KSR2: variants seen among roughly 807,000 people sequenced by gnomAD.
The protein encoded by KSR2 is kinase suppressor of ras 2.
Under a neutral mutation model 107.8 loss-of-function variants are expected in KSR2, and 25 were observed. The ratio of observed to expected loss-of-function variants is 0.23; its 90% CI spans 0.17 to 0.32. KSR2 has a LOEUF of 0.32. Ranked by LOEUF, KSR2 falls within the 10% of genes least tolerant of loss-of-function variation. KSR2 has a pLI of 1.00. For missense variants in KSR2, 887 were observed against 1,268.9 expected (o/e 0.70, Z 4.57); for synonymous variants, 480 against 507.0 (o/e 0.95, Z 0.71).
chr12:117,944,676 C>A, intron 1 of KSR2, among the ~76,000 whole-genome samples: 1 of 151,510 alleles, frequency 6.6e-6, no homozygotes. Context: ...GGCAACAAAG[C>A]AAGACCCCCA....
intron 4 of KSR2, among the ~76,000 whole-genome samples, chr12:117,752,670 G>A (rs544092179): frequency 2.6e-5 from 4 of 152,184 alleles, no homozygotes; most frequent in Admixed American, 2.0e-4. Flanking sequence ...AATTACTTCT[G>A]TAATTGCAAT....
chr12:117,821,558 TGGTA>T (rs1891566402), intron 3 of KSR2, among the ~76,000 whole-genome samples: 2 of 152,348 alleles, frequency 1.3e-5, no homozygotes, highest in South Asian at 4.1e-4. Flanking sequence ...TTCCAGTCAA[TGGTA>T]GGCCATTAGT....
At chr12:117,570,328 A>AG (rs903252969) in intron 7 of KSR2, among the ~76,000 whole-genome samples, 9 of 152,066 alleles carry the variant, frequency 5.9e-5, no homozygotes, top group Non-Finnish European at 1.0e-4. Context: ...GGGAGTGAGG[A>AG]GGGGGTGCTA....
At chr12:117,683,746 C>A (rs1457573620) in intron 4 of KSR2, among the ~76,000 whole-genome samples, 2 of 152,088 alleles carry the variant, frequency 1.3e-5, no homozygotes, top group Non-Finnish European at 2.9e-5. Context: ...AGGTCTAGGG[C>A]AAGAGAGGAA....
chr12:117,457,987 A>T lies in KSR2; in HGVS notation c.*9212T>A, dbSNP rs972956436. The T allele has an allele frequency of 6.6e-6, 1 of 152,132 alleles. No individual in the cohort carries two copies. The highest frequency in any genetic ancestry group is 6.6e-5 in the Admixed American group (1 of 15,260). 9.4% of individuals were successfully genotyped at this position (152,132 alleles called of 1,614,324 possible). On this transcript the variant is annotated 3_prime_UTR_variant, in exon 20 of 20. Transcript: ENST00000339824. ...GTGAGTTTTCTTTCCATAGATCTAC[A>T]TGAGTTGCAAATTTATATATTTGTG...
intron 9 of KSR2, among the ~76,000 whole-genome samples, chr12:117,542,948 C>T (rs893684599): frequency 6.6e-6 from 1 of 152,062 alleles, no homozygotes; most frequent in Non-Finnish European, 1.5e-5. Flanking sequence ...TTTTGATTGC[C>T]GAGTTTCTTC....
chr12:117,602,226 T>C (rs1157140848), intron 5 of KSR2, among the ~76,000 whole-genome samples: 2 of 152,226 alleles, frequency 1.3e-5, no homozygotes, highest in East Asian at 1.9e-4. Flanking sequence ...TTGCTTTCAA[T>C]TGAAGCAAAA....
rs536640045 is a variant in KSR2, at chr12:117,632,056, A to G, written c.1171+35418T>C. Among the ~76,000 whole-genome samples, 4 of 152,286 alleles carry G rather than the reference A, an allele frequency of 2.6e-5. 1 individual carries two copies. The highest frequency in any genetic ancestry group is 9.6e-5 in the African/African-American group (4 of 41,568). ...TATTTTTTCATAGCTGTCCAGGAAC[A>G]TTTAATTTTGGCTAGAATTATTAAT... On this transcript the variant is annotated intron_variant, in intron 5 of 19. Coordinates refer to ENST00000339824, the MANE Select transcript of KSR2 (RefSeq NM_173598.6).
intron 3 of KSR2, among the ~76,000 whole-genome samples, chr12:117,841,974 C>T (rs1892501527): frequency 2.0e-5 from 3 of 152,368 alleles, no homozygotes; most frequent in South Asian, 2.1e-4. Flanking sequence ...TCAGTCACTC[C>T]GTGACTACTT....
chr12:117,656,993 T>TATATAATAGG (rs1555225291), intron 5 of KSR2, among the ~76,000 whole-genome samples: 9 of 115,098 alleles, frequency 7.8e-5, no homozygotes, highest in African/African-American at 3.3e-4. Flanking sequence ...TATATATATA[T>TATATAATAGG]ATATATATAT....
At chr12:117,867,864 G>A (rs955384127) in intron 1 of KSR2, among the ~76,000 whole-genome samples, 21 of 152,252 alleles carry the variant, frequency 1.4e-4, no homozygotes, top group East Asian at 3.9e-4. Flanking sequence ...ATGGGGACCC[G>A]TAGCTAACTG....
intron 4 of KSR2, among the ~76,000 whole-genome samples, chr12:117,708,715 T>C (rs542712308): frequency 1.9e-4 from 29 of 152,306 alleles, no homozygotes; most frequent in African/African-American, 7.0e-4. Context: ...ATTGTTTCAA[T>C]GTGCAACAGT....
rs538111580 is a variant in KSR2 at position 117,465,125 on chromosome 12, T to G, written c.*2074A>C. 7.2e-4 allele frequency: 109 copies of G among 151,426 alleles called. No individual in the cohort carries two copies. The highest frequency in any genetic ancestry group is 2.6e-3 in the African/African-American group (107 of 41,140). The allele number at this position is 151,426 out of a possible 1,614,324, so 9.4% of individuals were successfully genotyped here. A position where few individuals can be genotyped will look rare whatever the true frequency, so the allele number is the denominator to read the frequency against. On this transcript the variant is annotated 3_prime_UTR_variant, in exon 20 of 20. Transcript: ENST00000339824. ...CCTGGTGTGATGGAAGAGAAGTGAG[T>G]GGTTGGGTTTCAGGCACTCAGTAGG...
In KSR2 at chr12:117,968,895, G is replaced by T; in HGVS notation, c.-640C>A. 1 of 248,236 alleles carries T rather than the reference G, an allele frequency of 4.0e-6. No individual in the cohort carries two copies. The allele number at this position is 248,236 out of a possible 1,614,324, so 15.4% of individuals were successfully genotyped here. A position where few individuals can be genotyped will look rare whatever the true frequency, so the allele number is the denominator to read the frequency against. ...CTGGCTGCTGTCTCCTCCCCGCGCT[G>T]CTGCTGCTGCTGCTGCTGCCGCCGC... On this transcript the variant is annotated 5_prime_UTR_variant, in exon 1 of 20. Coordinates refer to ENST00000339824, the MANE Select transcript of KSR2 (RefSeq NM_173598.6).
At chr12:117,819,375 C>G (rs192142311) in intron 3 of KSR2, among the ~76,000 whole-genome samples, 1 of 152,328 alleles carries the variant, frequency 6.6e-6, no homozygotes, top group East Asian at 1.9e-4. Flanking sequence ...CCCTAGAGGG[C>G]GTCGTAGGTG....
At chr12:117,528,563 A>G (rs551849571) in intron 12 of KSR2, among the ~76,000 whole-genome samples, 2 of 152,294 alleles carry the variant, frequency 1.3e-5, no homozygotes, top group African/African-American at 4.8e-5. Context: ...AGTCTGAAAG[A>G]CCACAAGAAC....
At chr12:117,673,195 G>T (rs1165196657) in intron 4 of KSR2, among the ~76,000 whole-genome samples, 1 of 152,154 alleles carries the variant, frequency 6.6e-6, no homozygotes. Flanking sequence ...CTAAATAAGG[G>T]TTAGTTGGAC....
At chr12:117,830,244 G>A (rs557145140) in intron 3 of KSR2, among the ~76,000 whole-genome samples, 4 of 151,764 alleles carry the variant, frequency 2.6e-5, no homozygotes. Context: ...ACTCCAGCCC[G>A]GGAAACAGAG....
intron 7 of KSR2, among the ~76,000 whole-genome samples, chr12:117,578,412 G>C (rs1466426785): frequency 6.6e-6 from 1 of 151,936 alleles, no homozygotes; most frequent in African/African-American, 2.4e-5. Flanking sequence ...TGGCCAACAT[G>C]GTAAATCCCA....
Sources: allele counts gnomAD v4.1 joint callset (sites outside exome capture counted in the v4.1 genomes callset), GRCh38; gene constraint gnomAD v4.1.1; transcripts MANE v1.5; gene names NCBI Gene and HGNC (gene_info 2026-07-23, HGNC 2026-07-21).